Variants in FGF6 observed in about 807,000 individuals in gnomAD.
FGF6 encodes the protein FGF-6.
A neutral mutation model predicts 18.4 loss-of-function variants in FGF6; 14 were observed. The observed-to-expected ratio is 0.76, with a 90% confidence interval of 0.50 to 1.19. The LOEUF (loss-of-function observed/expected upper bound fraction) is 1.19. FGF6 is among the 50% of genes most tolerant of loss of function. The pLI is 0.00. For missense variants in FGF6, 266 were observed against 271.6 expected (o/e 0.98, Z 0.15); for synonymous variants, 125 against 116.7 (o/e 1.07, Z -0.46).
At position 4,434,252 on chromosome 12, in the gene FGF6, G is replaced by A. The variant is rs567606742; in HGVS notation, c.590C>T (p.Pro197Leu). The A allele has an allele frequency of 2.4e-4, 389 of 1,614,146 alleles. 2 individuals are homozygous for A. In the South Asian group the frequency reaches 3.8e-3, roughly 16 times the overall value. ...GRVKRGSKVS[P>L]IMTVTHFLPR... ...AAGGAAATGAGTGACAGTCATGATC[G>A]GGGACACCTTGCTGCCCCGCTTTAC... The change falls in exon 3 of 3, where the codon CCG (proline) becomes CTG (leucine). Residue 197 changes from proline to leucine, a missense_variant. Pro to Leu is a moderately conservative substitution (Grantham distance 98). Transcript: ENST00000228837.
In FGF6 at chr12:4,444,533, A is replaced by G. The variant is rs527710663; in HGVS notation, c.347-297T>C. ...TTTGAATCTGGGCTTTCAGTGACAT[A>G]ATTACTTGAGGTCCTTGACTTGAGT... On this transcript the variant is annotated intron_variant, in intron 1 of 2. Coordinates refer to ENST00000228837, the MANE Select transcript of FGF6 (RefSeq NM_020996.3). Among the ~76,000 whole-genome samples, 292 of 152,320 alleles carry G rather than the reference A, an allele frequency of 1.9e-3. 3 individuals are homozygous for G. Among genetic ancestry groups the G allele is most frequent in the Non-Finnish European group, 3.6e-3 (244 of 68,030 alleles).
At chr12:4,442,051 T>C (rs1385610485) in intron 2 of FGF6, among the ~76,000 whole-genome samples, 5 of 147,616 alleles carry the variant, frequency 3.4e-5, no homozygotes, top group African/African-American at 1.2e-4. Flanking sequence ...TTTGGCCAAA[T>C]GCTACTGAGG....
At position 4,434,357 on chromosome 12, in the gene FGF6, G is replaced by A. The variant is rs140796118; in HGVS notation, c.485C>T (p.Thr162Ile). 5.8e-5 allele frequency: 94 copies of A among 1,614,062 alleles called. No individual in the cohort carries two copies. The African/African-American group carries it at 1.0e-3, about 17-fold the overall frequency. ...SFQEECKFRE[T>I]LLPNNYNAYE... ...GGCATTGTAATTGTTGGGCAGGAGG[G>A]TTTCTCTGAACTTGCATTCTTCTTG... The change falls in exon 3 of 3, where the codon ACC (threonine) becomes ATC (isoleucine). Residue 162 changes from threonine (T) to isoleucine (I), a missense_variant. By Grantham distance (89) the Thr-to-Ile change is moderately conservative. Coordinates refer to ENST00000228837, the MANE Select transcript of FGF6 (RefSeq NM_020996.3).
intron 2 of FGF6, among the ~76,000 whole-genome samples, chr12:4,443,654 T>C (rs1865718423): frequency 6.6e-6 from 1 of 152,174 alleles, no homozygotes; most frequent in Non-Finnish European, 1.5e-5. Flanking sequence ...AAAACCCTAG[T>C]GCAGAATCTC....
chr12:4,436,134 G>A (rs1199865873), intron 2 of FGF6, among the ~76,000 whole-genome samples: 1 of 152,132 alleles, frequency 6.6e-6, no homozygotes, highest in Admixed American at 6.5e-5. Context: ...GTAGCTGGAC[G>A]AGAACCTCTT....
At chr12:4,438,339 A>C (rs1865647499) in intron 2 of FGF6, among the ~76,000 whole-genome samples, 1 of 152,230 alleles carries the variant, frequency 6.6e-6, no homozygotes, top group South Asian at 2.1e-4. Flanking sequence ...GGCAGCATCT[A>C]CCAGAATAAA....
chr12:4,445,365 A>G lies in FGF6; in HGVS notation c.206T>C (p.Ile69Thr), dbSNP rs1408911035. 2 of 1,613,986 alleles carry G rather than the reference A, an allele frequency of 1.2e-6. No homozygotes were observed. The highest frequency in any genetic ancestry group is 2.2e-5 in the East Asian group (1 of 44,870). ...GCCACTTTCCCAGTTCACCCCGGCA[A>G]TCTCTCCAGCTAGCCCGGCGCGAGA... ...SRSRAGLAGEIAGVNWESGYL... is the reference protein window; with the variant it reads ...SRSRAGLAGETAGVNWESGYL... The change falls in exon 1 of 3, where the codon ATT becomes ACT. Residue 69 changes from isoleucine (I) to threonine (T), a missense_variant. Coordinates refer to ENST00000228837, the MANE Select transcript of FGF6 (RefSeq NM_020996.3). The surrounding 1 kb of genome is among the most constrained non-coding windows in gnomAD (Gnocchi z 5.5).
intron 2 of FGF6, among the ~76,000 whole-genome samples, chr12:4,442,470 A>T (rs892955522): frequency 6.6e-6 from 1 of 152,154 alleles, no homozygotes; most frequent in Non-Finnish European, 1.5e-5. Flanking sequence ...GGAAGAAAAA[A>T]GTAATAAATG....
intron 2 of FGF6, among the ~76,000 whole-genome samples, chr12:4,437,727 C>T (rs1489164967): frequency 6.6e-6 from 1 of 151,972 alleles, no homozygotes; most frequent in African/African-American, 2.4e-5. Flanking sequence ...CTAGAGAAAA[C>T]ATGGTGTTGG....
At chr12:4,443,274 A>C (rs1406741225) in intron 2 of FGF6, among the ~76,000 whole-genome samples, 1 of 152,152 alleles carries the variant, frequency 6.6e-6, no homozygotes, top group Non-Finnish European at 1.5e-5. Flanking sequence ...GCAGTAGATC[A>C]GCTCTCCACA....
intron 2 of FGF6, among the ~76,000 whole-genome samples, chr12:4,442,525 T>C (rs775720544): frequency 1.6e-4 from 24 of 152,176 alleles, no homozygotes; most frequent in Non-Finnish European, 3.4e-4. Flanking sequence ...TTTATGAAAT[T>C]TGTGCTTTCT....
At chr12:4,441,899 T>C (rs1865695301) in intron 2 of FGF6, among the ~76,000 whole-genome samples, 1 of 151,910 alleles carries the variant, frequency 6.6e-6, no homozygotes. Context: ...TAGAAGTTGC[T>C]CAGGAGCATC....
chr12:4,435,872 C>A (rs888062307), intron 2 of FGF6, among the ~76,000 whole-genome samples: 1 of 152,030 alleles, frequency 6.6e-6, no homozygotes, highest in South Asian at 2.1e-4. Flanking sequence ...AGGGAGTATG[C>A]GGGGATTTCC....
chr12:4,443,853 C>G (rs1865721928), intron 2 of FGF6, among the ~76,000 whole-genome samples: 1 of 152,174 alleles, frequency 6.6e-6, no homozygotes, highest in Non-Finnish European at 1.5e-5. Context: ...GTGGGTTTCC[C>G]TCTGGCCCAC....
intron 2 of FGF6, among the ~76,000 whole-genome samples, chr12:4,442,521 A>C (rs971254481): frequency 6.6e-6 from 1 of 152,214 alleles, no homozygotes; most frequent in African/African-American, 2.4e-5. Flanking sequence ...AGAGTTTATG[A>C]AATTTGTGCT....
Position 4,445,597 on chromosome 12 carries a change from A to G in FGF6, c.-27T>C. ...CACCTTGCCTCTCAGGCACGTGGTC[A>G]GAATTAATGGCCCTAAAAATACCGC... On this transcript the variant is annotated 5_prime_UTR_variant, in exon 1 of 3. Transcript: ENST00000228837. The surrounding 1 kb of genome is among the most constrained non-coding windows in gnomAD (Gnocchi z 5.5). 1.3e-6 allele frequency: 2 copies of G among 1,526,112 alleles called. No individual in the cohort carries two copies. The highest frequency in any genetic ancestry group is 3.5e-4 in the Middle Eastern group (2 of 5,750). 94.5% of individuals were successfully genotyped at this position (1,526,112 alleles called of 1,614,324 possible).
Position 4,434,408 on chromosome 12 carries a change from C to A in FGF6, c.451-17G>T, listed in dbSNP as rs773807380. ...GAAGCTGGGCTGTGGAAGACATGGG[C>A]AAACAGCAGAGACTGGGTTACAAAT... On this transcript the variant is annotated splice_polypyrimidine_tract_variant and intron_variant, in intron 2 of 2. Transcript: ENST00000228837. 1.5e-5 allele frequency: 24 copies of A among 1,613,710 alleles called. No homozygotes were observed. The highest frequency in any genetic ancestry group is 2.0e-5 in the Non-Finnish European group (24 of 1,179,836).
At position 4,440,703 on chromosome 12, in the gene FGF6, C is replaced by T. The variant is rs17183654; in HGVS notation, c.450+3430G>A. Reference sequence around the variant, plus strand: ...CTCCAGTGCAGCTCTTTGTAGCAGGCGGGGATTTGTATGCAGAGCCTCAGG... The same window carrying T: ...CTCCAGTGCAGCTCTTTGTAGCAGGTGGGGATTTGTATGCAGAGCCTCAGG... On this transcript the variant is annotated intron_variant, in intron 2 of 2. Transcript: ENST00000228837. Among the ~76,000 whole-genome samples, 291 of 152,304 alleles carry T rather than the reference C, an allele frequency of 1.9e-3. 3 individuals are homozygous for T. The highest frequency in any genetic ancestry group is 0.014 in the East Asian group (71 of 5,182).
At chr12:4,438,751 CAAA>C (rs386375443) in intron 2 of FGF6, among the ~76,000 whole-genome samples, 4 of 39,730 alleles carry the variant, frequency 1.0e-4, no homozygotes, top group African/African-American at 4.2e-4. Context: ...GACTCTATCT[CAAA>C]AAAAAAAAAA....
Sources: allele counts gnomAD v4.1 joint callset (sites outside exome capture counted in the v4.1 genomes callset), GRCh38; gene constraint gnomAD v4.1.1; non-coding constraint Gnocchi (gnomAD v3.1); transcripts MANE v1.5; gene names NCBI Gene and HGNC (gene_info 2026-07-23, HGNC 2026-07-21).